CASD1: variants seen among roughly 807,000 people sequenced by gnomAD.
The protein encoded by CASD1 is CAS1 domain sialic acid O acetyltransferase 1.
In CASD1, 41 loss-of-function variants were observed where a neutral mutation model predicts 100.0. The observed-to-expected ratio is 0.41, with a 90% CI of 0.32 to 0.53. CASD1 has a LOEUF of 0.53. Among genes scored for constraint, CASD1 ranks in the 20% least tolerant of loss-of-function variants. The pLI is 0.25. For synonymous variants in CASD1, 321 were observed against 315.6 expected, an observed-to-expected ratio of 1.02 and a Z score of -0.18; for missense variants, 774 against 948.7, an observed-to-expected ratio of 0.82 and a Z score of 2.42.
At chr7:94,601,443 C>CAAAAAAAAAAAAAA in the CASD1 span, among the ~76,000 whole-genome samples, 120 of 89,280 alleles carry the variant, frequency 1.3e-3, 14 homozygotes, top group African/African-American at 2.4e-3. Context: ...ATCCCAGTAT[C>CAAAAAAAAAAAAAA]AAAAAAAAAA....
the CASD1 span, chr7:94,600,772 G>A: frequency 6.2e-7 from 1 of 1,613,644 alleles, no homozygotes. Flanking sequence ...AGAATCAGAA[G>A]GGGGTTTGTA....
Position 94,555,604 on chromosome 7 carries a change from G to A in CASD1, c.2240G>A (p.Cys747Tyr). 1 of 1,613,518 alleles carries A rather than the reference G, an allele frequency of 6.2e-7. No homozygotes were observed. Among genetic ancestry groups the A allele is most frequent in the East Asian group, 2.2e-5 (1 of 44,832 alleles). The change falls in exon 18 of 18, where the codon TGT becomes TAT. Residue 747 changes from cysteine to tyrosine, a missense_variant. Cys to Tyr is a radical substitution (Grantham distance 194). Around this residue, in one of 5 missense-constraint regions of CASD1, gnomAD observed 175 missense variants for 206.9 expected, o/e 0.85. Transcript: ENST00000297273. ...NIIVSTFIFV[C>Y]VAHEISQITN... ...ATTGTCAGCACTTTCATATTTGTTT[G>A]TGTGGCACATGAAATTTCTCAGATC... is the stretch of plus-strand genomic sequence containing the variant.
the CASD1 span, chr7:94,600,628 T>G: frequency 6.4e-7 from 1 of 1,561,108 alleles, no homozygotes; most frequent in South Asian, 1.1e-5. Flanking sequence ...ATTATCTTAT[T>G]AGTTTTAAAG....
the CASD1 span, chr7:94,587,382 T>C: frequency 9.2e-6 from 10 of 1,082,440 alleles, no homozygotes; most frequent in Non-Finnish European, 1.1e-5. Context: ...AGAAATTGCC[T>C]GCTTCCTACT....
chr7:94,531,307 C>T (rs1794838496), intron 5 of CASD1, among the ~76,000 whole-genome samples: 1 of 151,968 alleles, frequency 6.6e-6, no homozygotes, highest in Admixed American at 6.6e-5. Context: ...AGGCATTAGC[C>T]ATTGAGAAGA....
intron 2 of CASD1, 88 bp from the exon 3 acceptor site, chr7:94,518,115 G>A: frequency 2.3e-6 from 3 of 1,290,932 alleles, no homozygotes; most frequent in Non-Finnish European, 3.1e-6. Flanking sequence ...TAACAATCTG[G>A]ATCAACTTTC....
chr7:94,624,353 A>G, the CASD1 span: 4 of 396,750 alleles, frequency 1.0e-5, no homozygotes, highest in Non-Finnish European at 1.8e-5. Flanking sequence ...GTGTCAAAAA[A>G]TAAGTTGCAG....
chr7:94,569,542 C>T, the CASD1 span, among the ~76,000 whole-genome samples: 1 of 151,960 alleles, frequency 6.6e-6, no homozygotes. Flanking sequence ...GCAGCCTCAA[C>T]CTCCTGGGCT....
the CASD1 span, among the ~76,000 whole-genome samples, chr7:94,633,402 G>C: frequency 6.6e-6 from 1 of 152,104 alleles, no homozygotes; most frequent in Admixed American, 6.6e-5. Context: ...TCTGAGTAGA[G>C]AGAGCCAAAG....
At chr7:94,547,024 C>G (rs1248934748) in intron 12 of CASD1, 72 bp from the exon 13 acceptor site, 1 of 905,254 alleles carries the variant, frequency 1.1e-6, no homozygotes, top group East Asian at 2.7e-5. Flanking sequence ...GTACATATAT[C>G]AAATAGAGAG....
downstream of CASD1, among the ~76,000 whole-genome samples, chr7:94,559,361 A>T: frequency 6.6e-6 from 1 of 151,042 alleles, no homozygotes; most frequent in South Asian, 2.1e-4. Context: ...AATTTCTTTT[A>T]CAATTACGCA....
At chr7:94,630,261 T>C in the CASD1 span, among the ~76,000 whole-genome samples, 1 of 151,784 alleles carries the variant, frequency 6.6e-6, no homozygotes, top group East Asian at 1.9e-4. Flanking sequence ...AAGTACAGAG[T>C]AATTTTTAAG....
At position 94,509,992 on chromosome 7, in the gene CASD1, C is replaced by T; in HGVS notation, c.-93C>T. The T allele has an allele frequency of 7.9e-7, 1 of 1,271,910 alleles. No homozygotes were observed. The highest frequency in any genetic ancestry group is 1.0e-6 in the Non-Finnish European group (1 of 998,040). 78.8% of individuals were successfully genotyped at this position (1,271,910 alleles called of 1,614,324 possible). A position where few individuals can be genotyped will look rare whatever the true frequency, so the allele number is the denominator to read the frequency against. ...CGGCCTGGGGAGCTGGCGGCCGCTC[C>T]TCGCCTGGCTGCAGCGGCGGCAGCC... On this transcript the variant is annotated 5_prime_UTR_variant, in exon 1 of 18. Transcript: ENST00000297273.
At chr7:94,587,678 C>T in the CASD1 span, 33 of 1,525,462 alleles carry the variant, frequency 2.2e-5, no homozygotes, top group Non-Finnish European at 2.9e-5. Flanking sequence ...CTTGTTGAAA[C>T]ATGTTAGCAT....
At chr7:94,565,679 C>A in the CASD1 span, among the ~76,000 whole-genome samples, 1 of 152,196 alleles carries the variant, frequency 6.6e-6, no homozygotes, top group Non-Finnish European at 1.5e-5. Context: ...CCAAGGACTT[C>A]ATGATTCACA....
the CASD1 span, among the ~76,000 whole-genome samples, chr7:94,608,357 A>C: frequency 2.6e-5 from 4 of 152,280 alleles, no homozygotes; most frequent in Middle Eastern, 6.8e-3. Context: ...TATAAATATA[A>C]GTCTAATAAA....
intron 1 of CASD1, among the ~76,000 whole-genome samples, chr7:94,510,806 C>T (rs919970222): frequency 4.6e-5 from 7 of 152,360 alleles, no homozygotes; most frequent in African/African-American, 1.4e-4. Context: ...ATGCCTGTGG[C>T]CAAATGGAAG....
intron 1 of CASD1, among the ~76,000 whole-genome samples, chr7:94,517,285 C>T (rs904197737): frequency 2.0e-5 from 3 of 151,962 alleles, no homozygotes; most frequent in South Asian, 2.1e-4. Flanking sequence ...ATAATGTCCC[C>T]GGAAAGAAAA....
the CASD1 span, among the ~76,000 whole-genome samples, chr7:94,614,016 G>A: frequency 7.1e-6 from 1 of 141,816 alleles, no homozygotes. Flanking sequence ...CAGAAATTAG[G>A]AAAACATTGA....
Sources: gnomAD v4.1 joint callset for allele counts (sites outside exome capture counted in the v4.1 genomes callset) on GRCh38, gnomAD v4.1.1 for gene constraint, gnomAD v4.1.1 regional missense constraint, MANE v1.5 for transcripts, NCBI Gene and HGNC (gene_info 2026-07-23, HGNC 2026-07-21) for gene names.